Variants in FYCO1 observed in about 807,000 individuals in gnomAD.
FYCO1 encodes the protein FYVE and coiled-coil domain-containing protein 1.
A neutral mutation model predicts 165.1 loss-of-function variants in FYCO1; 122 were observed. That is an observed-to-expected ratio of 0.74 (90% CI 0.64 to 0.86). The LOEUF is 0.86. Among genes scored for constraint, FYCO1 ranks in the 40% least tolerant of loss-of-function variants. The pLI is 0.00. For missense variants in FYCO1, 1,702 were observed against 1,810.3 expected, an observed-to-expected ratio of 0.94 and a Z score of 1.09; for synonymous variants, 648 against 742.5, an observed-to-expected ratio of 0.87 and a Z score of 2.07.
At position 45,918,117 on chromosome 3, in the gene FYCO1, C is replaced by T. The variant is rs1344300074; in HGVS notation, c.*3648G>A. ...CCAGACCCACCATCCCGTAAGGCCA[C>T]ATGAATTGAGGATTAATCAATTAAA... On this transcript the variant is annotated 3_prime_UTR_variant, in exon 18 of 18. Transcript: ENST00000296137. The T allele has an allele frequency of 6.6e-6, 1 of 152,592 alleles. No homozygotes were observed. Among genetic ancestry groups the T allele is most frequent in the Non-Finnish European group, 1.5e-5 (1 of 68,034 alleles). The allele number at this position is 152,592 out of a possible 1,614,324, so 9.5% of individuals were successfully genotyped here.
At chr3:45,977,390 TATATATATATATATATAAAG>T (rs1204408090) in intron 4 of FYCO1, among the ~76,000 whole-genome samples, 12 of 46,780 alleles carry the variant, frequency 2.6e-4, no homozygotes, top group African/African-American at 5.0e-4. Context: ...TATATATATA[TATATATATATATATATAAAG>T]GGAACTATTT....
chr3:45,946,718 G>A, intron 14 of FYCO1: 1 of 1,614,240 alleles, frequency 6.2e-7, no homozygotes, highest in South Asian at 1.1e-5. Flanking sequence ...CTGACCTGGT[G>A]TTTGTCTGCA....
intron 11 of FYCO1, among the ~76,000 whole-genome samples, chr3:45,959,783 G>A (rs771522989): frequency 2.0e-5 from 3 of 152,200 alleles, no homozygotes; most frequent in Non-Finnish European, 4.4e-5. Context: ...AGAAGGCACT[G>A]TTAAATGCAA....
Position 45,967,274 on chromosome 3 carries a change from G to C in FYCO1, c.2060C>G (p.Ala687Gly). Residue 687 changes from alanine (A) to glycine (G), a missense_variant, in exon 8 of 18, where the codon GCC (alanine) becomes GGC (glycine). Ala to Gly is a moderately conservative substitution (Grantham distance 60). Coordinates refer to ENST00000296137, the MANE Select transcript of FYCO1 (RefSeq NM_024513.4). ...CATCTGGGCTTTCATGGCCTCCTTG[G>C]CCTTCCTTACAGCCAGCAAGCTCGC... The part of the protein sequence containing the change: ...MEASLLAVRK[A>G]KEAMKAQMAE... The C allele has an allele frequency of 1.2e-6, 2 of 1,613,968 alleles. No homozygotes were observed. Among genetic ancestry groups the C allele is most frequent in the South Asian group, 2.2e-5 (2 of 91,086 alleles).
chr3:45,940,623 C>T (rs769147800), intron 14 of FYCO1, among the ~76,000 whole-genome samples: 24 of 152,128 alleles, frequency 1.6e-4, no homozygotes, highest in Non-Finnish European at 2.4e-4. Flanking sequence ...AGTCAAGGGC[C>T]GGATGGGGCA....
In FYCO1 at chr3:45,993,256, T is replaced by TGA; in HGVS notation, c.-113+2464_-113+2465dup. ...CTGGAAGTTACTAAAATCAACAGGT[T>TGA]GACTGGCTCCCATGTGAGAAAAGGG... On this transcript the variant is annotated intron_variant, in intron 1 of 17. Coordinates refer to ENST00000296137, the MANE Select transcript of FYCO1 (RefSeq NM_024513.4). This position sits in a 1 kb window ranked among gnomAD's most constrained non-coding sequence, Gnocchi z 4.4. 6.6e-6 allele frequency among the ~76,000 whole-genome samples: 1 copy of TGA among 152,300 alleles called. No individual in the cohort carries two copies. The highest frequency in any genetic ancestry group is 6.5e-5 in the Admixed American group (1 of 15,302).
intron 15 of FYCO1, among the ~76,000 whole-genome samples, chr3:45,934,550 A>G (rs1377221777): frequency 1.3e-5 from 2 of 152,266 alleles, no homozygotes; most frequent in Admixed American, 1.3e-4. Flanking sequence ...CATCCTTTAG[A>G]TATTCTGTCA....
chr3:45,994,848 G>A (rs1451461949), intron 1 of FYCO1, among the ~76,000 whole-genome samples: 2 of 152,160 alleles, frequency 1.3e-5, no homozygotes, highest in Non-Finnish European at 2.9e-5. Context: ...GACAAGCAGA[G>A]GGGCTGAGAG....
intron 8 of FYCO1, among the ~76,000 whole-genome samples, chr3:45,965,668 T>A (rs1185155112): frequency 6.6e-6 from 1 of 152,254 alleles, no homozygotes; most frequent in Non-Finnish European, 1.5e-5. Flanking sequence ...CCCTTCCCTG[T>A]ATCTGCTGTC....
chr3:45,953,974 T>C (rs1234446982), intron 14 of FYCO1, among the ~76,000 whole-genome samples: 2 of 152,208 alleles, frequency 1.3e-5, no homozygotes, highest in African/African-American at 4.8e-5. Flanking sequence ...TTCCAAAAGA[T>C]GAACTAAACT....
At chr3:45,923,808 G>C (rs1703198407) in intron 16 of FYCO1, 43 bp from the exon 17 acceptor site, 1 of 1,308,754 alleles carries the variant, frequency 7.6e-7, no homozygotes, top group Non-Finnish European at 1.1e-6. Flanking sequence ...CAGAGGCTGA[G>C]AGGGCCCTCG....
chr3:45,923,784 A>T lies in FYCO1; in HGVS notation c.4252-19T>A. 3 of 1,524,482 alleles carry T rather than the reference A, an allele frequency of 2.0e-6. No homozygotes were observed. The highest frequency in any genetic ancestry group is 2.7e-6 in the Non-Finnish European group (3 of 1,098,146). The allele number at this position is 1,524,482 out of a possible 1,614,324, so 94.4% of individuals were successfully genotyped here. A position where few individuals can be genotyped will look rare whatever the true frequency, so the allele number is the denominator to read the frequency against. On this transcript the variant is annotated intron_variant, in intron 16 of 17. Transcript: ENST00000296137. ...TGAGGACCTGGGAGGGAAAGCAGGT[A>T]GGCAAAAACATCACAGAGGCTGAGA...
chr3:45,953,716 T>C (rs888246188), intron 14 of FYCO1, among the ~76,000 whole-genome samples: 10 of 152,186 alleles, frequency 6.6e-5, no homozygotes, highest in Admixed American at 1.3e-4. Flanking sequence ...TCCAGGTCAC[T>C]GATTAAAAGC....
chr3:45,979,911 T>C, intron 3 of FYCO1, 81 bp from the exon 4 acceptor site: 3 of 1,530,168 alleles, frequency 2.0e-6, no homozygotes, highest in Non-Finnish European at 2.7e-6. Flanking sequence ...ATAATAACAA[T>C]AGCTTCTTAG....
intron 14 of FYCO1, chr3:45,941,015 A>G (rs1428111647): frequency 1.3e-5 from 2 of 152,096 alleles, no homozygotes; most frequent in Non-Finnish European, 2.9e-5. Flanking sequence ...TCTCAGCCAT[A>G]GTGGCTCTGC....
intron 1 of FYCO1, among the ~76,000 whole-genome samples, chr3:45,990,710 C>G (rs1351487676): frequency 2.0e-5 from 3 of 152,220 alleles, no homozygotes; most frequent in Non-Finnish European, 4.4e-5. Context: ...ACCATACAAA[C>G]TAAACTTTGA....
At position 45,981,605 on chromosome 3, in the gene FYCO1, G is replaced by A. The variant is rs1353244832; in HGVS notation, c.127C>T (p.His43Tyr). The A allele has an allele frequency of 1.2e-6, 2 of 1,613,586 alleles. No individual in the cohort carries two copies. The highest frequency in any genetic ancestry group is 1.1e-5 in the South Asian group (1 of 91,074). Residue 43 changes from histidine (H) to tyrosine (Y), a missense_variant, in exon 3 of 18, where the codon CAT becomes TAT. Coordinates refer to ENST00000296137, the MANE Select transcript of FYCO1 (RefSeq NM_024513.4). ...TACTCAAGTTTATAAGAAAATTTAT[G>A]CAAGCTGGTGCTGTCATCCGTGATG... is the stretch of plus-strand genomic sequence containing the variant. ...EPITDDSTSLHKFSYKLEYLL... is the reference protein window; with the variant it reads ...EPITDDSTSLYKFSYKLEYLL...
intron 2 of FYCO1, 83 bp from the exon 3 acceptor site, chr3:45,981,759 G>T: frequency 2.1e-6 from 2 of 964,212 alleles, no homozygotes; most frequent in Admixed American, 1.7e-5. Flanking sequence ...GAAGCATGAG[G>T]AGCAAGTGGT....
intron 14 of FYCO1, among the ~76,000 whole-genome samples, chr3:45,950,828 T>A (rs1489368696): frequency 6.6e-6 from 1 of 152,190 alleles, no homozygotes; most frequent in Non-Finnish European, 1.5e-5. Flanking sequence ...ACCTGTCACC[T>A]CTGTATTCAG....
Sources: gnomAD v4.1 joint callset for allele counts (sites outside exome capture counted in the v4.1 genomes callset) on GRCh38, gnomAD v4.1.1 for gene constraint, Gnocchi (gnomAD v3.1) non-coding constraint, MANE v1.5 for transcripts, NCBI Gene and HGNC (gene_info 2026-07-23, HGNC 2026-07-21) for gene names.